The following GPC6 variants were observed in gnomAD, a reference collection of about 807,000 sequenced individuals.
The protein encoded by GPC6 is glypican-6.
In GPC6, 14 loss-of-function variants were observed where a neutral mutation model predicts 55.2. The ratio of observed to expected loss-of-function variants is 0.25; its 90% CI spans 0.17 to 0.40. The LOEUF (loss-of-function observed/expected upper bound fraction) is 0.40. GPC6 is among the 10% of genes least tolerant of loss of function. The pLI is 1.00. For synonymous variants in GPC6, 278 were observed against 259.6 expected (o/e 1.07, Z -0.68); for missense variants, 641 against 708.5 (o/e 0.90, Z 1.08).
At chr13:93,460,590 T>C (rs1376526804) in intron 1 of GPC6, among the ~76,000 whole-genome samples, 1 of 152,146 alleles carries the variant, frequency 6.6e-6, no homozygotes, top group Non-Finnish European at 1.5e-5. Context: ...AGAATTAACA[T>C]GTAAGTTTTT....
At chr13:94,185,313 A>C (rs1217332469) in intron 4 of GPC6, among the ~76,000 whole-genome samples, 4 of 151,892 alleles carry the variant, frequency 2.6e-5, no homozygotes, top group Non-Finnish European at 4.4e-5. Flanking sequence ...CCAACCATAA[A>C]ATAACATTCT....
intron 3 of GPC6, among the ~76,000 whole-genome samples, chr13:93,996,926 A>G (rs1456897688): frequency 6.6e-6 from 1 of 152,168 alleles, no homozygotes; most frequent in African/African-American, 2.4e-5. Context: ...CTTGGCCACT[A>G]AGTTTTGAAT....
intron 2 of GPC6, among the ~76,000 whole-genome samples, chr13:93,651,695 A>G (rs2139599534): frequency 6.6e-6 from 1 of 152,260 alleles, no homozygotes; most frequent in South Asian, 2.1e-4. Context: ...GTGAGGAGGA[A>G]GCCTGGGTCT....
chr13:93,877,146 G>A (rs1377752756), intron 3 of GPC6, among the ~76,000 whole-genome samples: 3 of 152,010 alleles, frequency 2.0e-5, no homozygotes, highest in Non-Finnish European at 1.5e-5. Context: ...GCTATGGATC[G>A]AATATGTTAT....
chr13:93,326,111 C>T (rs1042245517), intron 1 of GPC6, among the ~76,000 whole-genome samples: 1 of 152,010 alleles, frequency 6.6e-6, no homozygotes, highest in Non-Finnish European at 1.5e-5. Flanking sequence ...ACAGGGAAAA[C>T]AGGAGGAGAA....
intron 1 of GPC6, among the ~76,000 whole-genome samples, chr13:93,400,429 T>C (rs9516229): frequency 0.33 from 49,984 of 150,994 alleles, 10,717 homozygotes; most frequent in Non-Finnish European, 0.49. Context: ...ATAGAAATAA[T>C]TGCAGATTAC....
At chr13:93,386,995 T>C (rs1266654137) in intron 1 of GPC6, among the ~76,000 whole-genome samples, 1 of 152,144 alleles carries the variant, frequency 6.6e-6, no homozygotes, top group African/African-American at 2.4e-5. Flanking sequence ...TTCAGCACGA[T>C]CTCAACTAAA....
intron 2 of GPC6, among the ~76,000 whole-genome samples, chr13:93,776,408 G>A (rs931979187): frequency 6.6e-6 from 1 of 152,068 alleles, no homozygotes. Flanking sequence ...AACAGATGGG[G>A]ACAAATTGCC....
chr13:93,445,657 T>C (rs1877973146), intron 1 of GPC6, among the ~76,000 whole-genome samples: 1 of 152,224 alleles, frequency 6.6e-6, no homozygotes, highest in Admixed American at 6.5e-5. Context: ...CATTTAATTC[T>C]GTAATGTTAT....
intron 1 of GPC6, among the ~76,000 whole-genome samples, chr13:93,473,048 A>C (rs1226171298): frequency 6.6e-6 from 1 of 152,178 alleles, no homozygotes; most frequent in Non-Finnish European, 1.5e-5. Context: ...TATGGGCCTC[A>C]CATGGGAGGA....
chr13:93,845,889 C>G (rs1402467533), intron 3 of GPC6, among the ~76,000 whole-genome samples: 2 of 149,022 alleles, frequency 1.3e-5, no homozygotes. Flanking sequence ...TGCTAGATGA[C>G]GAGTTAGTGG....
chr13:93,263,519 C>T (rs1425478197), intron 1 of GPC6, among the ~76,000 whole-genome samples: 2 of 152,104 alleles, frequency 1.3e-5, no homozygotes, highest in Admixed American at 6.6e-5. Flanking sequence ...CGTGTGCCTC[C>T]ACTCCCGGGT....
intron 3 of GPC6, among the ~76,000 whole-genome samples, chr13:93,936,491 C>A (rs1159644051): frequency 6.6e-6 from 1 of 152,044 alleles, no homozygotes; most frequent in Non-Finnish European, 1.5e-5. Flanking sequence ...GCTAAATAAA[C>A]TCCATGTTAG....
At chr13:93,307,140 A>G (rs1409292475) in intron 1 of GPC6, among the ~76,000 whole-genome samples, 1 of 152,132 alleles carries the variant, frequency 6.6e-6, no homozygotes, top group Non-Finnish European at 1.5e-5. Flanking sequence ...TTAATCGACT[A>G]TTCATTCTGA....
intron 4 of GPC6, among the ~76,000 whole-genome samples, chr13:94,205,975 A>G (rs902771360): frequency 2.0e-5 from 3 of 152,132 alleles, no homozygotes; most frequent in African/African-American, 4.8e-5. Context: ...GCTGGCATCT[A>G]GTTGGTAGGG....
chr13:93,238,800 G>A (rs1231482490), intron 1 of GPC6, among the ~76,000 whole-genome samples: 1 of 151,968 alleles, frequency 6.6e-6, no homozygotes, highest in Non-Finnish European at 1.5e-5. Context: ...TTATCATGAA[G>A]TGATGCTGAA....
At chr13:93,800,347 G>T (rs1886331672) in intron 2 of GPC6, among the ~76,000 whole-genome samples, 1 of 152,186 alleles carries the variant, frequency 6.6e-6, no homozygotes, top group Admixed American at 6.5e-5. Flanking sequence ...AATATAGAGT[G>T]AATGTGCTCG....
chr13:93,320,575 A>T (rs1325666669), intron 1 of GPC6, among the ~76,000 whole-genome samples: 1 of 151,714 alleles, frequency 6.6e-6, no homozygotes, highest in Admixed American at 6.6e-5. Context: ...GAATATTGTG[A>T]CTTTCGCAAA....
upstream of GPC6, among the ~76,000 whole-genome samples, chr13:93,223,616 G>T (rs1170763792): frequency 6.6e-6 from 1 of 151,912 alleles, no homozygotes; most frequent in Non-Finnish European, 1.5e-5. Context: ...CGAATTTTTT[G>T]TATTTTTAGT....
Sources: allele counts gnomAD v4.1 joint callset (sites outside exome capture counted in the v4.1 genomes callset), GRCh38; gene constraint gnomAD v4.1.1; transcripts MANE v1.5; gene names NCBI Gene and HGNC (gene_info 2026-07-23, HGNC 2026-07-21).